APTX: variants seen among roughly 807,000 people sequenced by gnomAD.
The protein encoded by APTX is forkhead-associated domain histidine triad-like protein.
Under a neutral mutation model 42.3 loss-of-function variants are expected in APTX, and 33 were observed. The ratio of observed to expected loss-of-function variants is 0.78; its 90% CI spans 0.59 to 1.04. The LOEUF (loss-of-function observed/expected upper bound fraction) is 1.04, where lower values mean the gene tolerates loss of function less well. Ranked by LOEUF, APTX falls within the 50% of genes least tolerant of loss-of-function variation. APTX has a pLI of 0.00. For synonymous variants in APTX, 130 were observed against 146.7 expected, an observed-to-expected ratio of 0.89 and a Z score of 0.82; for missense variants, 421 against 415.1, an observed-to-expected ratio of 1.01 and a Z score of -0.12.
At chr9:33,002,374 T>C (rs1322401457), upstream of APTX, among the ~76,000 whole-genome samples, 1 of 152,122 alleles carries the variant, frequency 6.6e-6, no homozygotes, top group East Asian at 1.9e-4. Context: ...TAAAATCCAG[T>C]TTTAGCACAG....
intron 1 of APTX, among the ~76,000 whole-genome samples, chr9:32,995,446 A>G (rs1834607625): frequency 6.6e-6 from 1 of 152,270 alleles, no homozygotes; most frequent in African/African-American, 2.4e-5. Context: ...AACTAAAATT[A>G]TAAGTAGAAC....
At chr9:33,013,758 T>G (rs1472930453) in intron 1 of APTX, among the ~76,000 whole-genome samples, 1 of 152,134 alleles carries the variant, frequency 6.6e-6, no homozygotes, top group Non-Finnish European at 1.5e-5. Flanking sequence ...GAGCCGAGAT[T>G]GCGCCACTGC....
chr9:32,984,212 C>T (rs921765228), intron 6 of APTX, among the ~76,000 whole-genome samples: 5 of 152,120 alleles, frequency 3.3e-5, no homozygotes, highest in African/African-American at 1.2e-4. Context: ...ATTTTCAAAT[C>T]CTGGATCTAC....
At chr9:32,984,901 A>C in intron 5 of APTX, 44 bp from the exon 6 acceptor site, 1 of 1,539,866 alleles carries the variant, frequency 6.5e-7, no homozygotes, top group South Asian at 1.1e-5. Flanking sequence ...TCTACTAAGA[A>C]TCTTCTGTGT....
chr9:33,017,453 A>T (rs907037617), intron 1 of APTX, among the ~76,000 whole-genome samples: 1 of 148,222 alleles, frequency 6.7e-6, no homozygotes, highest in African/African-American at 2.4e-5. Context: ...CACATGGCAG[A>T]AGGGACTCAC....
chr9:32,990,221 G>T, intron 1 of APTX: 2 of 231,574 alleles, frequency 8.6e-6, no homozygotes, highest in South Asian at 1.2e-4. Flanking sequence ...CCCCCAGGCT[G>T]GCACGCAGTG....
At chr9:33,006,894 G>A (rs1837184951) in intron 1 of APTX, among the ~76,000 whole-genome samples, 1 of 151,444 alleles carries the variant, frequency 6.6e-6, no homozygotes. Context: ...CAGCTACTTG[G>A]GAGGCTGAGG....
chr9:32,997,676 TTC>T (rs1426164473), intron 1 of APTX, among the ~76,000 whole-genome samples: 2 of 152,298 alleles, frequency 1.3e-5, no homozygotes, highest in South Asian at 4.2e-4. Flanking sequence ...GAAGATGCCA[TTC>T]AGTGTTGCTG....
Position 32,987,712 on chromosome 9 carries a change from C to A in APTX, c.315G>T (p.Lys105Asn). The A allele has an allele frequency of 1.9e-6, 3 of 1,614,166 alleles. No individual in the cohort carries two copies. Among genetic ancestry groups the A allele is most frequent in the Non-Finnish European group, 2.5e-6 (3 of 1,180,036 alleles). ...TCCTGTGTGTTTCCAGGCCAGGGTT[C>A]TTTGCCTCTTCCTCAAACTCTACAA... ...PYIVEFEEEA[K>N]NPGLETHRKR... Residue 105 changes from lysine (K) to asparagine (N), a missense_variant, in exon 4 of 8, where the codon AAG becomes AAT. By Grantham distance (94) the Lys-to-Asn change is moderately conservative. Transcript: ENST00000379817.
intron 6 of APTX, among the ~76,000 whole-genome samples, chr9:32,981,912 T>C (rs996998921): frequency 6.6e-6 from 1 of 151,716 alleles, no homozygotes; most frequent in Non-Finnish European, 1.5e-5. Context: ...GATGCACCAA[T>C]AGATGCTAAA....
chr9:33,011,067 T>C (rs1163309023), intron 1 of APTX, among the ~76,000 whole-genome samples: 1 of 151,174 alleles, frequency 6.6e-6, no homozygotes, highest in African/African-American at 2.4e-5. Flanking sequence ...TGCTTGAACC[T>C]GAGAGGCAGA....
chr9:33,023,222 T>C (rs1838536575), intron 1 of APTX, among the ~76,000 whole-genome samples: 1 of 140,854 alleles, frequency 7.1e-6, no homozygotes. Flanking sequence ...ACTTATGTGA[T>C]TTTTTTTTTT....
chr9:32,994,253 G>T (rs372443529), intron 1 of APTX, among the ~76,000 whole-genome samples: 3 of 152,164 alleles, frequency 2.0e-5, no homozygotes, highest in African/African-American at 7.2e-5. Context: ...GTACAACAGA[G>T]AAACTACATT....
intron 2 of APTX, 79 bp downstream of exon 2, chr9:32,989,680 A>G: frequency 6.2e-7 from 1 of 1,605,920 alleles, no homozygotes; most frequent in East Asian, 2.2e-5. Flanking sequence ...TTCCATCAAG[A>G]TCACCCAGAA....
At chr9:32,977,288 T>C (rs557870625) in intron 6 of APTX, among the ~76,000 whole-genome samples, 12 of 151,158 alleles carry the variant, frequency 7.9e-5, no homozygotes, top group East Asian at 4.0e-4. Flanking sequence ...GAGTTCAACA[T>C]TGGCCTGAGC....
At chr9:33,000,062 C>G (rs1357736071) in intron 1 of APTX, among the ~76,000 whole-genome samples, 1 of 152,202 alleles carries the variant, frequency 6.6e-6, no homozygotes, top group Non-Finnish European at 1.5e-5. Flanking sequence ...ATCAAGGTCT[C>G]TGAAGTTGGA....
intron 1 of APTX, chr9:33,019,740 G>A (rs553579496): frequency 1.9e-4 from 109 of 572,824 alleles, no homozygotes; most frequent in South Asian, 1.1e-3. Flanking sequence ...TGCAGGGTCC[G>A]CACCACCAGA....
At chr9:32,978,534 T>G (rs1273091815) in intron 6 of APTX, among the ~76,000 whole-genome samples, 2 of 152,184 alleles carry the variant, frequency 1.3e-5, no homozygotes, top group African/African-American at 4.8e-5. Flanking sequence ...ATTTTGCTTC[T>G]GAGGCCTTTA....
At chr9:32,984,980 T>C in intron 5 of APTX, 123 bp from the exon 6 acceptor site, 1 of 869,136 alleles carries the variant, frequency 1.2e-6, no homozygotes, top group Non-Finnish European at 1.9e-6. Flanking sequence ...AATAGCCCAG[T>C]TTTGAGAGAG....
Sources: gnomAD v4.1 joint callset for allele counts (sites outside exome capture counted in the v4.1 genomes callset) on GRCh38, gnomAD v4.1.1 for gene constraint, MANE v1.5 for transcripts, NCBI Gene and HGNC (gene_info 2026-07-23, HGNC 2026-07-21) for gene names.